Variants in GRB10 observed in about 807,000 individuals in gnomAD.
GRB10 encodes growth factor receptor bound protein 10.
GRB10 carries 20 observed loss-of-function variants against 80.9 expected under a neutral mutation model. The ratio of observed to expected loss-of-function variants is 0.25; its 90% CI spans 0.17 to 0.36. The LOEUF is 0.36. GRB10 is among the 10% of genes least tolerant of loss of function. GRB10 has a pLI of 1.00. For synonymous variants in GRB10, 291 were observed against 291.5 expected (o/e 1.00, Z 0.02); for missense variants, 548 against 747.7 (o/e 0.73, Z 3.12).
chr7:50,722,945 C>T (rs1462262269), intron 4 of GRB10, among the ~76,000 whole-genome samples: 8 of 152,094 alleles, frequency 5.3e-5, no homozygotes, highest in African/African-American at 1.9e-4. Flanking sequence ...CTACAAAGGC[C>T]ACATTTACGC....
chr7:50,661,518 T>A (rs1164062041), intron 7 of GRB10, among the ~76,000 whole-genome samples: 2 of 152,240 alleles, frequency 1.3e-5, no homozygotes, highest in Non-Finnish European at 2.9e-5. Context: ...TGAGCTTGTC[T>A]TAAGTTCATA....
intron 4 of GRB10, among the ~76,000 whole-genome samples, chr7:50,706,665 C>T (rs897746593): frequency 2.2e-4 from 34 of 152,162 alleles, no homozygotes; most frequent in African/African-American, 7.5e-4. Context: ...TTTTCATAAG[C>T]GAATTAGACC....
chr7:50,702,293 G>C (rs1023785138), intron 5 of GRB10, among the ~76,000 whole-genome samples: 1 of 152,226 alleles, frequency 6.6e-6, no homozygotes, highest in African/African-American at 2.4e-5. Context: ...GGCTGGATAC[G>C]GTGGGCCTGG....
chr7:50,776,538 T>C (rs1236280528), intron 2 of GRB10, among the ~76,000 whole-genome samples: 1 of 152,210 alleles, frequency 6.6e-6, no homozygotes, highest in East Asian at 1.9e-4. Flanking sequence ...CCCTTTGGAT[T>C]ATAAATTCCA....
At chr7:50,640,650 G>A (rs531456651) in intron 7 of GRB10, among the ~76,000 whole-genome samples, 1 of 152,222 alleles carries the variant, frequency 6.6e-6, no homozygotes, top group Non-Finnish European at 1.5e-5. Context: ...CCTATGAGGA[G>A]AGCCAGCATT....
At chr7:50,727,665 C>T (rs1459041680) in intron 4 of GRB10, 1 of 152,024 alleles carries the variant, frequency 6.6e-6, no homozygotes, top group African/African-American at 2.4e-5. Context: ...AGTGAATATT[C>T]ACATGATTTT....
intron 2 of GRB10, among the ~76,000 whole-genome samples, chr7:50,759,372 C>A (rs1171016859): frequency 6.6e-6 from 1 of 152,040 alleles, no homozygotes; most frequent in Admixed American, 6.6e-5. Flanking sequence ...AGAAACCATC[C>A]CACCTCACTG....
chr7:50,656,148 CCTGA>C (rs2058620187), intron 7 of GRB10, among the ~76,000 whole-genome samples: 1 of 152,234 alleles, frequency 6.6e-6, no homozygotes, highest in Non-Finnish European at 1.5e-5. Context: ...GGCGTTATTT[CCTGA>C]CTGTGTCCTG....
At chr7:50,784,724 A>T (rs1050637894), upstream of GRB10, among the ~76,000 whole-genome samples, 4 of 152,244 alleles carry the variant, frequency 2.6e-5, no homozygotes, top group African/African-American at 9.6e-5. Flanking sequence ...ATCTTTGAAA[A>T]GGCATAAAAG....
At chr7:50,733,197 G>A (rs770817271) in intron 3 of GRB10, among the ~76,000 whole-genome samples, 2 of 152,178 alleles carry the variant, frequency 1.3e-5, no homozygotes, top group Non-Finnish European at 2.9e-5. Context: ...AGAAGACCAT[G>A]TCAGGACACC....
At chr7:50,689,240 G>C (rs893417013) in intron 5 of GRB10, among the ~76,000 whole-genome samples, 1 of 152,206 alleles carries the variant, frequency 6.6e-6, no homozygotes, top group African/African-American at 2.4e-5. Context: ...GAGTCCCCAA[G>C]AGGAAGCACA....
intron 2 of GRB10, among the ~76,000 whole-genome samples, chr7:50,761,084 G>A (rs2075713681): frequency 6.6e-6 from 1 of 152,216 alleles, no homozygotes; most frequent in African/African-American, 2.4e-5. Context: ...TCAATCCTTT[G>A]AGGCAGCACT....
At chr7:50,621,592 C>G (rs7783485) in intron 8 of GRB10, among the ~76,000 whole-genome samples, 3,864 of 152,308 alleles carry the variant, frequency 0.025, 148 homozygotes, top group African/African-American at 0.087. Flanking sequence ...TGGCCATCGA[C>G]TGCACATCTG....
intron 7 of GRB10, among the ~76,000 whole-genome samples, chr7:50,658,063 C>T (rs2058828616): frequency 6.6e-6 from 1 of 152,250 alleles, no homozygotes; most frequent in African/African-American, 2.4e-5. Flanking sequence ...AACCAAGACC[C>T]AGAGGCCTAA....
At chr7:50,773,027 G>A (rs1040726506) in intron 2 of GRB10, among the ~76,000 whole-genome samples, 3 of 152,100 alleles carry the variant, frequency 2.0e-5, no homozygotes, top group African/African-American at 7.2e-5. Flanking sequence ...AAGTTTAATG[G>A]ACTCATATTT....
At position 50,760,391 on chromosome 7, in the gene GRB10, G is replaced by A. The variant is rs77051839; in HGVS notation, c.-216-4335C>T. Among the ~76,000 whole-genome samples the A allele has an allele frequency of 9.9e-3, 1,503 of 152,268 alleles. 23 individuals carry two copies. The highest frequency in any genetic ancestry group is 0.034 in the African/African-American group (1,397 of 41,546). On this transcript the variant is annotated intron_variant, in intron 2 of 18. Transcript: ENST00000401949. ...AAAAGACCTAAATGAATGGAAACAC[G>A]CTAAGTTCCTAAATGGAAAGATTAA...
intron 4 of GRB10, among the ~76,000 whole-genome samples, chr7:50,706,943 TCCA>T (rs1386193352): frequency 6.6e-6 from 1 of 152,222 alleles, no homozygotes; most frequent in African/African-American, 2.4e-5. Flanking sequence ...CCGACTTGCT[TCCA>T]CTTCTCCCAT....
intron 4 of GRB10, among the ~76,000 whole-genome samples, chr7:50,722,450 G>A (rs772384886): frequency 8.5e-5 from 13 of 152,328 alleles, no homozygotes; most frequent in Non-Finnish European, 1.6e-4. Context: ...TTGCAGCAAG[G>A]TGGGAAATTC....
At chr7:50,693,595 G>C (rs1210653187) in intron 5 of GRB10, among the ~76,000 whole-genome samples, 1 of 152,160 alleles carries the variant, frequency 6.6e-6, no homozygotes, top group Non-Finnish European at 1.5e-5. Context: ...CCAACTGAGA[G>C]AATGAACTAC....
Sources: gnomAD v4.1 joint callset for allele counts (sites outside exome capture counted in the v4.1 genomes callset) on GRCh38, gnomAD v4.1.1 for gene constraint, MANE v1.5 for transcripts, NCBI Gene and HGNC (gene_info 2026-07-23, HGNC 2026-07-21) for gene names.